The following PLN variants were observed in gnomAD, a reference collection of about 807,000 sequenced individuals.
PLN encodes the protein phospholamban.
In PLN, 1 loss-of-function variant was observed where a neutral mutation model predicts 3.9. That is an observed-to-expected ratio of 0.26 (90% CI 0.09 to 1.23). The LOEUF (loss-of-function observed/expected upper bound fraction) is 1.23. PLN is among the 50% of genes most tolerant of loss of function. The pLI, the probability that PLN is intolerant of heterozygous loss-of-function variation, is 0.48. For missense variants in PLN, 59 were observed against 62.7 expected (o/e 0.94, Z 0.20); for synonymous variants, 21 against 20.5 (o/e 1.02, Z -0.07).
rs912308803 is a variant in PLN, at chr6:118,561,478, ATTC to A, written c.*2402_*2404del. The stretch of plus-strand genomic sequence containing the variant: ...AGTAGAATAAACTCTTTAAATAATT[ATTC>A]TTCATCATAAAGTGTAAAGAATAAG... On this transcript the variant is annotated 3_prime_UTR_variant, in exon 2 of 2. Transcript: ENST00000357525. 3.9e-5 allele frequency among the ~76,000 whole-genome samples: 6 copies of A among 152,258 alleles called. No individual in the cohort carries two copies. The East Asian group carries it at 1.2e-3, about 29-fold the overall frequency.
chr6:118,559,087 G>C lies in PLN; in HGVS notation c.*7G>C. On this transcript the variant is annotated 3_prime_UTR_variant, in exon 2 of 2. Transcript: ENST00000357525. ...CATCGTGATGCTTCTCTGAAGTTCT[G>C]CTACAACCTCTAGATCTGCAGCTTG... 6.2e-7 allele frequency: 1 copy of C among 1,606,470 alleles called. No homozygotes were observed.
At position 118,558,917 on chromosome 6, in the gene PLN, G is replaced by T; in HGVS notation, c.-5G>T. The T allele has an allele frequency of 6.2e-7, 1 of 1,612,954 alleles. No individual in the cohort carries two copies. Among genetic ancestry groups the T allele is most frequent in the Non-Finnish European group, 8.5e-7 (1 of 1,179,088 alleles). ...AAACTTCAGACTTCCTGTCCTGCTGGTATCATGGAGAAAGTCCAATACCTC... is the reference window on the plus strand; with the variant it reads ...AAACTTCAGACTTCCTGTCCTGCTGTTATCATGGAGAAAGTCCAATACCTC... On this transcript the variant is annotated 5_prime_UTR_variant, in exon 2 of 2. Transcript: ENST00000357525.
chr6:118,553,616 G>A (rs989049255), intron 1 of PLN, among the ~76,000 whole-genome samples: 3 of 152,116 alleles, frequency 2.0e-5, no homozygotes, highest in African/African-American at 4.8e-5. Context: ...TTCTAAATCT[G>A]ACAAGAAACA....
At position 118,560,967 on chromosome 6, in the gene PLN, A is replaced by G. The variant is rs748655513; in HGVS notation, c.*1887A>G. On this transcript the variant is annotated 3_prime_UTR_variant, in exon 2 of 2. Transcript: ENST00000357525. ...AAGAGTAGAGGATGTGTAATTAACC[A>G]TATCTTCTAAAACATGGTTACTAAA... 2.0e-5 allele frequency among the ~76,000 whole-genome samples: 3 copies of G among 152,222 alleles called. No individual in the cohort carries two copies. Among genetic ancestry groups the G allele is most frequent in the Non-Finnish European group, 2.9e-5 (2 of 68,026 alleles).
At position 118,561,461 on chromosome 6, in the gene PLN, A is replaced by G. The variant is rs1441711374; in HGVS notation, c.*2381A>G. On this transcript the variant is annotated 3_prime_UTR_variant, in exon 2 of 2. Coordinates refer to ENST00000357525, the MANE Select transcript of PLN (RefSeq NM_002667.5). Reference sequence around the variant, plus strand: ...TATAACTCAAATTATAAAGTAGAATAAACTCTTTAAATAATTATTCTTCAT... The same window carrying G: ...TATAACTCAAATTATAAAGTAGAATGAACTCTTTAAATAATTATTCTTCAT... 6.6e-6 allele frequency among the ~76,000 whole-genome samples: 1 copy of G among 152,158 alleles called. No homozygotes were observed. Among genetic ancestry groups the G allele is most frequent in the Non-Finnish European group, 1.5e-5 (1 of 67,986 alleles).
intron 1 of PLN, among the ~76,000 whole-genome samples, chr6:118,554,306 T>A (rs998405916): frequency 6.6e-6 from 1 of 151,994 alleles, no homozygotes; most frequent in African/African-American, 2.4e-5. Flanking sequence ...CATCCATTCA[T>A]AAAAACAATT....
At chr6:118,558,690 G>A (rs1032440853) in intron 1 of PLN, 135 bp from the exon 2 acceptor site, 1 of 544,428 alleles carries the variant, frequency 1.8e-6, no homozygotes, top group Non-Finnish European at 3.3e-6. Context: ...GAGAGAGAGG[G>A]AGAGAGACTA....
At chr6:118,551,878 G>T (rs1166473530) in intron 1 of PLN, among the ~76,000 whole-genome samples, 1 of 151,972 alleles carries the variant, frequency 6.6e-6, no homozygotes, top group Non-Finnish European at 1.5e-5. Context: ...GACTCCACTG[G>T]AGTGAACTTT....
intron 1 of PLN, among the ~76,000 whole-genome samples, chr6:118,550,630 CAG>C (rs1353907376): frequency 3.9e-5 from 6 of 151,922 alleles, no homozygotes; most frequent in African/African-American, 1.4e-4. Context: ...ACTAAGAAAA[CAG>C]GGAAACCTTG....
intron 1 of PLN, among the ~76,000 whole-genome samples, 175 bp from the exon 2 acceptor site, chr6:118,558,650 C>CAG (rs1433315078): frequency 1.5e-4 from 20 of 136,748 alleles, no homozygotes; most frequent in East Asian, 7.9e-4. Flanking sequence ...CACACACACA[C>CAG]ACACACACAC....
chr6:118,551,483 G>A (rs1255933141), intron 1 of PLN, among the ~76,000 whole-genome samples: 1 of 142,892 alleles, frequency 7.0e-6, no homozygotes. Flanking sequence ...ACAGGGTTAA[G>A]AAGAATATTT....
In PLN at chr6:118,559,034, T is replaced by C. The variant is rs1554219862; in HGVS notation, c.113T>C (p.Ile38Thr). 6.2e-7 allele frequency: 1 copy of C among 1,611,196 alleles called. No homozygotes were observed. ...AATCTATTTATCAATTTCTGTCTCA[T>C]CTTAATATGTCTCTTGCTGATCTGT... ...LQNLFINFCLILICLLLICII... is the reference protein window; with the variant it reads ...LQNLFINFCLTLICLLLICII... Residue 38 changes from isoleucine to threonine, a missense_variant, in exon 2 of 2, where the codon ATC (isoleucine) becomes ACC (threonine). Ile to Thr is a moderately conservative substitution (Grantham distance 89). Coordinates refer to ENST00000357525, the MANE Select transcript of PLN (RefSeq NM_002667.5).
intron 1 of PLN, among the ~76,000 whole-genome samples, chr6:118,551,935 T>G (rs966200416): frequency 7.2e-5 from 11 of 152,058 alleles, no homozygotes; most frequent in African/African-American, 2.4e-4. Flanking sequence ...ACTGTCCTAA[T>G]TTATTACCAC....
At chr6:118,555,118 C>A (rs2114948304) in intron 1 of PLN, among the ~76,000 whole-genome samples, 1 of 152,260 alleles carries the variant, frequency 6.6e-6, no homozygotes, top group African/African-American at 2.4e-5. Context: ...TAACTGTATT[C>A]TGCTACACAT....
chr6:118,553,619 A>G (rs1778679253), intron 1 of PLN, among the ~76,000 whole-genome samples: 1 of 152,244 alleles, frequency 6.6e-6, no homozygotes. Context: ...TAAATCTGAC[A>G]AGAAACAGGA....
intron 1 of PLN, among the ~76,000 whole-genome samples, chr6:118,550,377 T>C (rs1330871792): frequency 1.3e-5 from 2 of 151,814 alleles, no homozygotes; most frequent in East Asian, 3.8e-4. Context: ...AATTATGTAA[T>C]ATATTAAATT....
chr6:118,558,833 AAAG>A lies in PLN; in HGVS notation c.-84_-82del. On this transcript the variant is annotated 5_prime_UTR_variant, in exon 2 of 2. Coordinates refer to ENST00000357525, the MANE Select transcript of PLN (RefSeq NM_002667.5). ...TTATTTTTACATTCCAGGCTACCTA[AAAG>A]AAGACAGTTATCTCATATTTGGCTG... 1 of 890,756 alleles carries A rather than the reference AAAG, an allele frequency of 1.1e-6. No homozygotes were observed. Among genetic ancestry groups the A allele is most frequent in the Non-Finnish European group, 1.9e-6 (1 of 529,864 alleles). 55.2% of individuals were successfully genotyped at this position (890,756 alleles called of 1,614,324 possible).
chr6:118,554,318 A>G (rs1450915196), intron 1 of PLN, among the ~76,000 whole-genome samples: 3 of 152,066 alleles, frequency 2.0e-5, no homozygotes, highest in Non-Finnish European at 2.9e-5. Context: ...AAAACAATTA[A>G]TTAATTAAAA....
chr6:118,556,637 G>T (rs1778894205), intron 1 of PLN, among the ~76,000 whole-genome samples: 1 of 152,144 alleles, frequency 6.6e-6, no homozygotes, highest in Non-Finnish European at 1.5e-5. Flanking sequence ...GCTTTTATGG[G>T]ATGTATAAAA....
Sources: gnomAD v4.1 joint callset for allele counts (sites outside exome capture counted in the v4.1 genomes callset) on GRCh38, gnomAD v4.1.1 for gene constraint, MANE v1.5 for transcripts, NCBI Gene and HGNC (gene_info 2026-07-23, HGNC 2026-07-21) for gene names.